SLC16A7: variants seen among roughly 807,000 people sequenced by gnomAD.
SLC16A7 encodes the protein monocarboxylate transporter 2.
SLC16A7 carries 33 observed loss-of-function variants against 34.9 expected under a neutral mutation model. The observed-to-expected ratio is 0.94, with a 90% CI of 0.72 to 1.26. The LOEUF (loss-of-function observed/expected upper bound fraction) is 1.26. Ranked by LOEUF, SLC16A7 falls within the 50% of genes most tolerant of loss-of-function variation. The pLI is 0.00. For missense variants in SLC16A7, 573 were observed against 578.1 expected, an observed-to-expected ratio of 0.99 and a Z score of 0.09; for synonymous variants, 201 against 206.6, an observed-to-expected ratio of 0.97 and a Z score of 0.23.
At chr12:59,767,806 T>C (rs890935642) in intron 3 of SLC16A7, among the ~76,000 whole-genome samples, 3 of 151,480 alleles carry the variant, frequency 2.0e-5, no homozygotes, top group African/African-American at 4.9e-5. Context: ...GATCAAGGAG[T>C]CATTTCAAGT....
chr12:59,634,508 A>G (rs1369802337), intron 1 of SLC16A7, among the ~76,000 whole-genome samples: 3 of 151,952 alleles, frequency 2.0e-5, no homozygotes, highest in Non-Finnish European at 4.4e-5. Context: ...CTAAGAGGAA[A>G]CTTTGGGGAT....
chr12:59,707,807 C>T (rs1873760237), intron 3 of SLC16A7, among the ~76,000 whole-genome samples: 1 of 152,076 alleles, frequency 6.6e-6, no homozygotes, highest in Non-Finnish European at 1.5e-5. Flanking sequence ...CTAAAGTCCT[C>T]CATTATCGGG....
intron 1 of SLC16A7, among the ~76,000 whole-genome samples, chr12:59,653,347 G>T (rs1868382264): frequency 1.3e-5 from 2 of 151,392 alleles, no homozygotes. Context: ...TCAAAATGTG[G>T]GAGATCTTGC....
intron 1 of SLC16A7, among the ~76,000 whole-genome samples, chr12:59,628,524 T>C (rs185825523): frequency 1.3e-3 from 204 of 152,036 alleles, no homozygotes; most frequent in Non-Finnish European, 2.6e-3. Context: ...ATTCATTGCT[T>C]TCATAGAGCC....
chr12:59,631,441 A>G (rs1194686267), intron 1 of SLC16A7, among the ~76,000 whole-genome samples: 2 of 151,974 alleles, frequency 1.3e-5, no homozygotes, highest in Admixed American at 6.6e-5. Context: ...TATAGCCTCC[A>G]GGAAATATTA....
At chr12:59,628,681 T>TGC (rs1033524082) in intron 1 of SLC16A7, among the ~76,000 whole-genome samples, 3 of 151,780 alleles carry the variant, frequency 2.0e-5, no homozygotes, top group African/African-American at 7.3e-5. Flanking sequence ...TGTGCGTGTG[T>TGC]GTGTGCGCGT....
chr12:59,720,914 C>T (rs1465139415), intron 3 of SLC16A7, among the ~76,000 whole-genome samples: 1 of 151,970 alleles, frequency 6.6e-6, no homozygotes, highest in Non-Finnish European at 1.5e-5. Flanking sequence ...ATTTAAGTTT[C>T]TTGCATACAT....
chr12:59,768,729 G>T (rs1376710776), intron 3 of SLC16A7, among the ~76,000 whole-genome samples: 2 of 152,110 alleles, frequency 1.3e-5, no homozygotes. Flanking sequence ...AGGTGCAATG[G>T]CTCACACTTA....
intron 2 of SLC16A7, among the ~76,000 whole-genome samples, chr12:59,699,986 T>G (rs1397028967): frequency 6.6e-6 from 1 of 151,662 alleles, no homozygotes; most frequent in East Asian, 1.9e-4. Flanking sequence ...TCCCTAAGAG[T>G]AATGCTGAAG....
At chr12:59,613,044 G>C (rs1246577625) in intron 1 of SLC16A7, among the ~76,000 whole-genome samples, 1 of 152,302 alleles carries the variant, frequency 6.6e-6, no homozygotes, top group East Asian at 1.9e-4. Context: ...CCAATTTACT[G>C]TATTAATATG....
intron 1 of SLC16A7, among the ~76,000 whole-genome samples, chr12:59,603,217 G>T (rs953574083): frequency 1.3e-5 from 2 of 152,054 alleles, no homozygotes; most frequent in African/African-American, 4.8e-5. Flanking sequence ...CCCACCTCTG[G>T]TCTCTCACCC....
intron 3 of SLC16A7, chr12:59,719,716 T>G (rs1455704850): frequency 1.0e-5 from 2 of 194,748 alleles, no homozygotes; most frequent in African/African-American, 2.3e-5. Flanking sequence ...TGATCTGATT[T>G]CAAATATTCA....
chr12:59,765,483 T>G (rs1179913768), intron 3 of SLC16A7, among the ~76,000 whole-genome samples: 2 of 152,206 alleles, frequency 1.3e-5, no homozygotes, highest in African/African-American at 2.4e-5. Context: ...ATGTAAGTCT[T>G]TAATATATCT....
intron 1 of SLC16A7, among the ~76,000 whole-genome samples, chr12:59,613,191 T>G (rs1422953850): frequency 6.6e-6 from 1 of 152,284 alleles, no homozygotes; most frequent in East Asian, 1.9e-4. Flanking sequence ...AAACACTTCC[T>G]TCTTCACATG....
At chr12:59,715,263 A>C (rs1315757840) in intron 3 of SLC16A7, among the ~76,000 whole-genome samples, 1 of 152,212 alleles carries the variant, frequency 6.6e-6, no homozygotes, top group African/African-American at 2.4e-5. Context: ...TTAATTCACC[A>C]AGCAATCCAT....
intron 3 of SLC16A7, among the ~76,000 whole-genome samples, chr12:59,723,034 G>T (rs1875794119): frequency 6.6e-6 from 1 of 151,814 alleles, no homozygotes; most frequent in Non-Finnish European, 1.5e-5. Flanking sequence ...GACAATGTGT[G>T]TTTAGAATGT....
At chr12:59,686,287 GTCATAGAATCAAAGTATGGGAGC>G in intron 2 of SLC16A7, among the ~76,000 whole-genome samples, 1 of 151,968 alleles carries the variant, frequency 6.6e-6, no homozygotes, top group East Asian at 1.9e-4. Context: ...CTATTTTAGT[GTCATAGAATCAAAGTATGGGAGC>G]TCAGAGGGAC....
chr12:59,758,805 G>T (rs1005200716), intron 3 of SLC16A7, among the ~76,000 whole-genome samples: 5 of 152,140 alleles, frequency 3.3e-5, no homozygotes, highest in Non-Finnish European at 7.4e-5. Flanking sequence ...GTAATTCACA[G>T]TGAACTGGTT....
At chr12:59,729,231 C>T (rs1426543785) in intron 3 of SLC16A7, among the ~76,000 whole-genome samples, 1 of 152,202 alleles carries the variant, frequency 6.6e-6, no homozygotes, top group Non-Finnish European at 1.5e-5. Flanking sequence ...ATACAATTTA[C>T]ACAATTTCAC....
Sources: gnomAD v4.1 joint callset for allele counts (sites outside exome capture counted in the v4.1 genomes callset) on GRCh38, gnomAD v4.1.1 for gene constraint, MANE v1.5 for transcripts, NCBI Gene and HGNC (gene_info 2026-07-23, HGNC 2026-07-21) for gene names.